The following BICD1 variants were observed in gnomAD, a reference collection of about 807,000 sequenced individuals.
BICD1 encodes the protein BICD cargo adaptor 1.
A neutral mutation model predicts 92.5 loss-of-function variants in BICD1; 35 were observed. The observed-to-expected ratio is 0.38, with a 90% CI of 0.29 to 0.50. The LOEUF is 0.50. BICD1 is among the 20% of genes least tolerant of loss of function. The pLI, the probability that BICD1 is intolerant of heterozygous loss-of-function variation, is 0.93. For missense variants in BICD1, 950 were observed against 1,189.8 expected, an observed-to-expected ratio of 0.80 and a Z score of 2.97; for synonymous variants, 429 against 465.1, an observed-to-expected ratio of 0.92 and a Z score of 1.00.
chr12:32,137,328 A>G (rs1942767065), intron 1 of BICD1, among the ~76,000 whole-genome samples: 1 of 152,250 alleles, frequency 6.6e-6, no homozygotes, highest in African/African-American at 2.4e-5. Context: ...GCCTCAAGTG[A>G]TCAGCCTGCC....
At chr12:32,277,371 G>C (rs1947306105) in intron 2 of BICD1, among the ~76,000 whole-genome samples, 1 of 152,150 alleles carries the variant, frequency 6.6e-6, no homozygotes. Flanking sequence ...TCCAGCCTGG[G>C]CAACAGAGCA....
At chr12:32,254,427 G>C (rs1565621639) in intron 2 of BICD1, among the ~76,000 whole-genome samples, 1 of 152,254 alleles carries the variant, frequency 6.6e-6, no homozygotes, top group Non-Finnish European at 1.5e-5. Flanking sequence ...GTAGGCTCTA[G>C]CATTTGTAGG....
intron 8 of BICD1, among the ~76,000 whole-genome samples, chr12:32,360,488 GCTCT>G (rs1939284089): frequency 6.6e-6 from 1 of 152,156 alleles, no homozygotes; most frequent in South Asian, 2.1e-4. Context: ...AATTACAAAT[GCTCT>G]CTATAGAATG....
At chr12:32,230,540 G>T (rs1304445126) in intron 2 of BICD1, among the ~76,000 whole-genome samples, 1 of 152,160 alleles carries the variant, frequency 6.6e-6, no homozygotes, top group African/African-American at 2.4e-5. Flanking sequence ...TAGAGATGAT[G>T]GCAATGGCAA....
At chr12:32,207,549 T>G (rs1466668899) in intron 1 of BICD1, among the ~76,000 whole-genome samples, 5 of 152,206 alleles carry the variant, frequency 3.3e-5, no homozygotes, top group Non-Finnish European at 1.5e-5. Flanking sequence ...AAAATGCATG[T>G]CTTTTGTTTT....
intron 2 of BICD1, among the ~76,000 whole-genome samples, chr12:32,288,861 T>C (rs933829712): frequency 2.7e-5 from 4 of 150,422 alleles, no homozygotes; most frequent in Non-Finnish European, 5.9e-5. Flanking sequence ...GCAAGACTCT[T>C]TCAAAAAAAA....
chr12:32,345,148 T>C (rs1938518635), intron 8 of BICD1, among the ~76,000 whole-genome samples: 1 of 151,784 alleles, frequency 6.6e-6, no homozygotes, highest in Non-Finnish European at 1.5e-5. Context: ...ATTAGCTGGA[T>C]GTGCTGGCAT....
chr12:32,248,307 G>C (rs1946441349), intron 2 of BICD1, among the ~76,000 whole-genome samples: 2 of 152,150 alleles, frequency 1.3e-5, no homozygotes, highest in South Asian at 4.1e-4. Flanking sequence ...GATGAGAGTA[G>C]GCTGAAGAGC....
intron 8 of BICD1, among the ~76,000 whole-genome samples, chr12:32,365,817 G>C (rs532452655): frequency 6.6e-6 from 1 of 152,306 alleles, no homozygotes; most frequent in African/African-American, 2.4e-5. Context: ...CATTCCTTAA[G>C]ACTCTGAGTT....
chr12:32,376,561 T>A (rs996805984), intron 9 of BICD1, among the ~76,000 whole-genome samples: 1 of 151,170 alleles, frequency 6.6e-6, no homozygotes. Context: ...AGTTACATTA[T>A]ACACTTAACA....
intron 1 of BICD1, among the ~76,000 whole-genome samples, chr12:32,196,174 A>G (rs1289838548): frequency 6.6e-6 from 1 of 152,190 alleles, no homozygotes; most frequent in East Asian, 1.9e-4. Flanking sequence ...AGAAAAGAGA[A>G]TTTTTGTATA....
At chr12:32,269,901 A>G (rs261869) in intron 2 of BICD1, among the ~76,000 whole-genome samples, 95,306 of 151,554 alleles carry the variant, frequency 0.63, 30,214 homozygotes, top group African/African-American at 0.7. Context: ...AGGCCGAGGT[A>G]GACAGATCAC....
At chr12:32,304,483 C>T (rs536146976) in intron 3 of BICD1, among the ~76,000 whole-genome samples, 1 of 152,272 alleles carries the variant, frequency 6.6e-6, no homozygotes, top group East Asian at 1.9e-4. Context: ...TGAAGGAACA[C>T]TGAAGCACTA....
At chr12:32,375,832 C>A (rs75736921) in intron 9 of BICD1, among the ~76,000 whole-genome samples, 8,965 of 152,096 alleles carry the variant, frequency 0.059, 381 homozygotes, top group Middle Eastern at 0.15. Flanking sequence ...TTATTTAATA[C>A]TAATTTTAAT....
chr12:32,156,907 A>C (rs1307301000), intron 1 of BICD1, among the ~76,000 whole-genome samples: 1 of 152,228 alleles, frequency 6.6e-6, no homozygotes, highest in Admixed American at 6.5e-5. Flanking sequence ...CCAAACAGGA[A>C]AATTCTGTAA....
At chr12:32,301,988 G>A (rs12300478) in intron 3 of BICD1, among the ~76,000 whole-genome samples, 25,361 of 151,992 alleles carry the variant, frequency 0.17, 2,713 homozygotes, top group African/African-American at 0.3. Flanking sequence ...CTGGGTTCAC[G>A]CCATTCTCCT....
rs761440526 is a variant in BICD1, at chr12:32,337,788, C to A, written c.2542C>A (p.Arg848=). ...HSQGPQTPNI[R]VSSGTQRKRQ... Reference sequence around the variant, plus strand: ...TCAGGGCCCACAGACACCCAACATTCGGGTCAGCAGTGGCACTCAGAGGAA... The same window carrying A: ...TCAGGGCCCACAGACACCCAACATTAGGGTCAGCAGTGGCACTCAGAGGAA... The change falls in exon 7 of 10, where the codon CGG becomes AGG. Residue 848 remains arginine, a synonymous_variant. Coordinates refer to ENST00000652176, the MANE Select transcript of BICD1 (RefSeq NM_001714.4). This position sits in a 1 kb window ranked among gnomAD's most constrained non-coding sequence, Gnocchi z 4.7. 1.7e-5 allele frequency: 28 copies of A among 1,614,052 alleles called. No homozygotes were observed. Among genetic ancestry groups the A allele is most frequent in the Non-Finnish European group, 2.3e-5 (27 of 1,180,028 alleles).
chr12:32,107,325 C>T lies in BICD1; in HGVS notation c.-7C>T, dbSNP rs199625264. On this transcript the variant is annotated 5_prime_UTR_variant, in exon 1 of 10. Coordinates refer to ENST00000652176, the MANE Select transcript of BICD1 (RefSeq NM_001714.4). ...GTAACCCCCTCCTGCCTCCATCCAC[C>T]GGGGCTATGGCCGCAGAAGAGGTAT... 3.8e-6 allele frequency: 6 copies of T among 1,593,118 alleles called. No homozygotes were observed. In the African/African-American group the frequency reaches 5.4e-5, roughly 14 times the overall value.
Position 32,367,726 on chromosome 12 carries a change from CAA to C in BICD1, c.2822_2823del (p.Gln941ArgfsTer8). ...PPQCSQLAGR[Q>X]DCPTVSPDTA... is the part of the protein sequence containing the mutation. Reference sequence around the variant, plus strand: ...ACAGTGCTCACAACTAGCCGGGAGGCAAGACTGCCCAACTGTCAGGTAAATTC... The same window carrying C: ...ACAGTGCTCACAACTAGCCGGGAGGCGACTGCCCAACTGTCAGGTAAATTC... On this transcript the variant is annotated frameshift_variant, in exon 9 of 10. Coordinates refer to ENST00000652176, the MANE Select transcript of BICD1 (RefSeq NM_001714.4). LOFTEE classifies it high-confidence loss of function. 6.2e-7 allele frequency: 1 copy of C among 1,614,120 alleles called. No individual in the cohort carries two copies. Among genetic ancestry groups the C allele is most frequent in the Non-Finnish European group, 8.5e-7 (1 of 1,179,960 alleles).
Sources: allele counts gnomAD v4.1 joint callset (sites outside exome capture counted in the v4.1 genomes callset), GRCh38; gene constraint gnomAD v4.1.1; non-coding constraint Gnocchi (gnomAD v3.1); transcripts MANE v1.5; gene names NCBI Gene and HGNC (gene_info 2026-07-23, HGNC 2026-07-21).